ACBD3: variants seen among roughly 807,000 people sequenced by gnomAD.
The protein encoded by ACBD3 is acyl-CoA binding domain containing 3.
In ACBD3, 30 loss-of-function variants were observed where a neutral mutation model predicts 66.9. That is an observed-to-expected ratio of 0.45 (90% confidence interval 0.34 to 0.61). ACBD3 has a LOEUF of 0.61. ACBD3 is among the 20% of genes least tolerant of loss of function. The pLI is 0.02. For synonymous variants in ACBD3, 278 were observed against 259.8 expected, an observed-to-expected ratio of 1.07 and a Z score of -0.68; for missense variants, 544 against 664.5, an observed-to-expected ratio of 0.82 and a Z score of 1.99.
intron 7 of ACBD3, among the ~76,000 whole-genome samples, chr1:226,147,055 G>GT (rs559589746): frequency 1.0e-3 from 158 of 151,980 alleles, no homozygotes; most frequent in Non-Finnish European, 1.8e-3. Flanking sequence ...CTACATCCAG[G>GT]TAATTTTTGT....
chr1:226,151,036 C>T (rs1020935297), intron 7 of ACBD3, among the ~76,000 whole-genome samples: 1 of 152,160 alleles, frequency 6.6e-6, no homozygotes, highest in African/African-American at 2.4e-5. Context: ...GTATGGCACA[C>T]CTGCAGTGTA....
chr1:226,172,122 T>C (rs866871539), intron 1 of ACBD3, among the ~76,000 whole-genome samples: 1 of 86,584 alleles, frequency 1.2e-5, no homozygotes, highest in South Asian at 3.8e-4. Flanking sequence ...GCCACTGTAC[T>C]CCAGCCTGGG....
At chr1:226,186,223 G>A (rs1219302610) in intron 1 of ACBD3, among the ~76,000 whole-genome samples, 167 bp downstream of exon 1, 2 of 152,166 alleles carry the variant, frequency 1.3e-5, no homozygotes, top group East Asian at 3.9e-4. Context: ...GGCCAAGCGG[G>A]TAGTGACAAA....
At chr1:226,169,132 A>G (rs1659933683) in intron 1 of ACBD3, among the ~76,000 whole-genome samples, 1 of 152,116 alleles carries the variant, frequency 6.6e-6, no homozygotes, top group Non-Finnish European at 1.5e-5. Context: ...CAAAGTATTG[A>G]GATTACAGGC....
In ACBD3 at chr1:226,147,467, C is replaced by T. The variant is rs56079566; in HGVS notation, c.1376-646G>A. Among the ~76,000 whole-genome samples, 2,061 of 152,236 alleles carry T rather than the reference C, an allele frequency of 0.014. 114 individuals are homozygous for T. The East Asian group carries it at 0.19, about 14-fold the overall frequency. On this transcript the variant is annotated intron_variant, in intron 7 of 7. Transcript: ENST00000366812. The stretch of plus-strand genomic sequence containing the variant: ...TCCCCTTTCCATAGCCATTCAATTC[C>T]TAATTCATCCTCAGGAATTTCACTC...
chr1:226,159,113 A>G (rs1188314200), intron 5 of ACBD3, 71 bp downstream of exon 5: 1 of 1,550,880 alleles, frequency 6.4e-7, no homozygotes, highest in African/African-American at 1.4e-5. Flanking sequence ...TGCGACTGTT[A>G]AAAAAGAACT....
chr1:226,165,044 G>A, intron 2 of ACBD3, 115 bp from the exon 3 acceptor site: 1 of 1,145,716 alleles, frequency 8.7e-7, no homozygotes, highest in Non-Finnish European at 1.2e-6. Context: ...ATTCTATTGG[G>A]AGCAAAAGGC....
chr1:226,146,521 C>G lies in ACBD3; in HGVS notation c.*89G>C. 8.9e-7 allele frequency: 1 copy of G among 1,121,806 alleles called. No homozygotes were observed. Among genetic ancestry groups the G allele is most frequent in the South Asian group, 1.4e-5 (1 of 70,342 alleles). The allele number at this position is 1,121,806 out of a possible 1,614,324, so 69.5% of individuals were successfully genotyped here. A position where few individuals can be genotyped will look rare whatever the true frequency, so the allele number is the denominator to read the frequency against. On this transcript the variant is annotated 3_prime_UTR_variant, in exon 8 of 8. Coordinates refer to ENST00000366812, the MANE Select transcript of ACBD3 (RefSeq NM_022735.4). ...CCAATATCAATAAGGTAAACTGTGA[C>G]TCTAATGCTCCACAAAAGTAAAAAG...
intron 5 of ACBD3, among the ~76,000 whole-genome samples, chr1:226,155,274 G>T (rs1659650640): frequency 6.6e-6 from 1 of 152,002 alleles, no homozygotes; most frequent in Admixed American, 6.6e-5. Context: ...AAAATTAGCT[G>T]GGCATGGCAG....
chr1:226,183,092 G>A (rs2102792269), intron 1 of ACBD3, among the ~76,000 whole-genome samples: 1 of 152,248 alleles, frequency 6.6e-6, no homozygotes, highest in Non-Finnish European at 1.5e-5. Flanking sequence ...TCCAACCCAA[G>A]CTATTTGCAA....
chr1:226,168,372 A>G (rs1161449327), intron 1 of ACBD3, among the ~76,000 whole-genome samples: 1 of 152,224 alleles, frequency 6.6e-6, no homozygotes, highest in Non-Finnish European at 1.5e-5. Context: ...CCTATGATCC[A>G]GTCATTCCAG....
At chr1:226,177,128 G>C (rs1656054906) in intron 1 of ACBD3, among the ~76,000 whole-genome samples, 1 of 150,624 alleles carries the variant, frequency 6.6e-6, no homozygotes, top group South Asian at 2.1e-4. Context: ...ACCAGTCACT[G>C]CACAATGCGG....
intron 1 of ACBD3, among the ~76,000 whole-genome samples, chr1:226,181,315 T>C (rs1656165666): frequency 6.6e-6 from 1 of 152,202 alleles, no homozygotes; most frequent in African/African-American, 2.4e-5. Context: ...ATTACAGCTG[T>C]ACAGTATTTT....
chr1:226,156,564 G>A (rs1413164742), intron 5 of ACBD3, among the ~76,000 whole-genome samples: 4 of 152,086 alleles, frequency 2.6e-5, no homozygotes, highest in African/African-American at 7.2e-5. Context: ...ATCCCATGGG[G>A]TAGGGATAAT....
chr1:226,167,678 T>C (rs920053942), intron 1 of ACBD3, among the ~76,000 whole-genome samples: 3 of 152,276 alleles, frequency 2.0e-5, no homozygotes, highest in Admixed American at 1.3e-4. Flanking sequence ...GGGAGGGCAC[T>C]TGAAAGTAGC....
At chr1:226,163,175 C>A (rs1409874537) in intron 3 of ACBD3, among the ~76,000 whole-genome samples, 1 of 152,108 alleles carries the variant, frequency 6.6e-6, no homozygotes, top group Non-Finnish European at 1.5e-5. Context: ...CAAGCCAGAG[C>A]TTAAGCTTCA....
intron 1 of ACBD3, among the ~76,000 whole-genome samples, chr1:226,185,506 C>T (rs1435043542): frequency 6.6e-6 from 1 of 151,992 alleles, no homozygotes; most frequent in Non-Finnish European, 1.5e-5. Context: ...GTCCATTCGC[C>T]CTACAAGACT....
At chr1:226,164,751 T>C (rs1659839870) in intron 3 of ACBD3, 38 bp downstream of exon 3, 2 of 1,589,338 alleles carry the variant, frequency 1.3e-6, no homozygotes, top group African/African-American at 2.7e-5. Flanking sequence ...TACACTGGGC[T>C]GCGCAGCAAT....
At chr1:226,177,582 T>C (rs1007605505) in intron 1 of ACBD3, among the ~76,000 whole-genome samples, 2 of 152,054 alleles carry the variant, frequency 1.3e-5, no homozygotes, top group South Asian at 2.1e-4. Context: ...GAGTTTACTA[T>C]ACAAATCAGA....
Sources: gnomAD v4.1 joint callset for allele counts (sites outside exome capture counted in the v4.1 genomes callset) on GRCh38, gnomAD v4.1.1 for gene constraint, MANE v1.5 for transcripts, NCBI Gene and HGNC (gene_info 2026-07-23, HGNC 2026-07-21) for gene names.